The following ZNF365 variants were observed in gnomAD, a reference collection of about 807,000 sequenced individuals.
ZNF365 encodes zinc finger protein 365, also known as protein ZNF365.
A neutral mutation model predicts 35.0 loss-of-function variants in ZNF365; 22 were observed. The observed-to-expected ratio is 0.63, with a 90% CI of 0.45 to 0.90. The LOEUF is 0.90. ZNF365 is among the 40% of genes least tolerant of loss of function. ZNF365 has a pLI of 0.00. For missense variants in ZNF365, 448 were observed against 500.3 expected (o/e 0.90, Z 1.00); for synonymous variants, 188 against 196.2 (o/e 0.96, Z 0.35).
At chr10:62,379,264 T>C (rs1379269750) in intron 2 of ZNF365, among the ~76,000 whole-genome samples, 3 of 152,152 alleles carry the variant, frequency 2.0e-5, no homozygotes, top group Non-Finnish European at 2.9e-5. Flanking sequence ...CCTCAGATGA[T>C]CTACTGGTCT....
At chr10:62,456,030 C>A (rs956464735) in intron 3 of ZNF365, among the ~76,000 whole-genome samples, 1 of 152,204 alleles carries the variant, frequency 6.6e-6, no homozygotes, top group Non-Finnish European at 1.5e-5. Context: ...CGTTGTCCAA[C>A]TAAACTTGCT....
downstream of ZNF365, among the ~76,000 whole-genome samples, chr10:62,406,178 C>T (rs1839901948): frequency 6.6e-6 from 1 of 152,176 alleles, no homozygotes; most frequent in South Asian, 2.1e-4. Flanking sequence ...TCCTTTCCAG[C>T]CACTGCCTTC....
intron 3 of ZNF365, among the ~76,000 whole-genome samples, chr10:62,452,532 G>GCTA (rs1453269788): frequency 1.3e-5 from 2 of 152,288 alleles, no homozygotes; most frequent in African/African-American, 4.8e-5. Context: ...GGTCCTTGAA[G>GCTA]CTACATATTA....
At chr10:62,376,102 T>G (rs912805597) in intron 1 of ZNF365, 79 bp from the exon 2 acceptor site, 25 of 1,466,758 alleles carry the variant, frequency 1.7e-5, no homozygotes, top group Non-Finnish European at 2.2e-5. Flanking sequence ...AAGCCTCTGC[T>G]GTCATGGAGA....
chr10:62,471,391 T>C (rs1841036001), intron 4 of ZNF365, among the ~76,000 whole-genome samples: 1 of 150,814 alleles, frequency 6.6e-6, no homozygotes, highest in African/African-American at 2.5e-5. Flanking sequence ...AAAATAGGTA[T>C]TCTCTCTTTC....
In ZNF365 at chr10:62,401,963, T is replaced by C. The variant is rs1435427313; in HGVS notation, c.*2174T>C. On this transcript the variant is annotated 3_prime_UTR_variant, in exon 5 of 5. Transcript: ENST00000395254. ...TAAATTTTGACCCCATATAAAGAAA[T>C]GTGTTATGTATGTTGTGCCTCCTTA... 1.0e-6 allele frequency: 1 copy of C among 985,440 alleles called. No homozygotes were observed. Among genetic ancestry groups the C allele is most frequent in the Admixed American group, 6.2e-5 (1 of 16,258 alleles). 61.0% of individuals were successfully genotyped at this position (985,440 alleles called of 1,614,324 possible).
chr10:62,424,172 G>A (rs1840217010), intron 3 of ZNF365, among the ~76,000 whole-genome samples: 1 of 152,152 alleles, frequency 6.6e-6, no homozygotes. Flanking sequence ...AGAAGCCTGT[G>A]AGTGAGTATG....
Position 62,464,398 on chromosome 10 carries a change from C to A in ZNF365, c.981+4601C>A, listed in dbSNP as rs144030746. Among the ~76,000 whole-genome samples the A allele has an allele frequency of 2.6e-5, 4 of 152,300 alleles. No individual in the cohort carries two copies. The East Asian group carries it at 7.7e-4, about 29-fold the overall frequency. Reference sequence around the variant, plus strand: ...AAATCATTTTCTCTGTAATTTGTCTCCATTGTTGGAATTTAAGATCCAGAG... The same window carrying A: ...AAATCATTTTCTCTGTAATTTGTCTACATTGTTGGAATTTAAGATCCAGAG... On this transcript the variant is annotated intron_variant, in intron 4 of 4. Coordinates refer to the ZNF365 transcript ENST00000395255.
At chr10:62,470,622 T>G (rs1441976522) in intron 4 of ZNF365, among the ~76,000 whole-genome samples, 1 of 152,248 alleles carries the variant, frequency 6.6e-6, no homozygotes, top group African/African-American at 2.4e-5. Context: ...GAAAGGTTGT[T>G]AGCAGTTTAT....
intron 4 of ZNF365, among the ~76,000 whole-genome samples, chr10:62,478,040 GA>G (rs1366500635): frequency 4.6e-5 from 7 of 152,188 alleles, no homozygotes; most frequent in Non-Finnish European, 1.0e-4. Flanking sequence ...CTCCAAGAAA[GA>G]CAACCAGAAG....
At chr10:62,425,682 C>T (rs746211830) in intron 3 of ZNF365, among the ~76,000 whole-genome samples, 21 of 152,194 alleles carry the variant, frequency 1.4e-4, no homozygotes, top group Non-Finnish European at 3.1e-4. Flanking sequence ...AGGAGGCCTT[C>T]CCTGCTTCAC....
At chr10:62,392,600 T>C (rs1456425482) in intron 3 of ZNF365, among the ~76,000 whole-genome samples, 3 of 128,804 alleles carry the variant, frequency 2.3e-5, no homozygotes, top group Non-Finnish European at 5.0e-5. Context: ...TTGGTCTATG[T>C]GCCGTTTGTT....
At chr10:62,452,002 G>A (rs1840690728) in intron 3 of ZNF365, among the ~76,000 whole-genome samples, 1 of 152,288 alleles carries the variant, frequency 6.6e-6, no homozygotes, top group African/African-American at 2.4e-5. Flanking sequence ...CAGAGAGACA[G>A]GATAAGAACC....
intron 4 of ZNF365, among the ~76,000 whole-genome samples, chr10:62,460,113 G>A (rs1840823468): frequency 6.6e-6 from 1 of 152,078 alleles, no homozygotes; most frequent in Non-Finnish European, 1.5e-5. Context: ...CTCTTGAGAG[G>A]GGCCATATCA....
chr10:62,443,497 A>G (rs1840535544), intron 3 of ZNF365, among the ~76,000 whole-genome samples: 2 of 152,184 alleles, frequency 1.3e-5, no homozygotes, highest in African/African-American at 4.8e-5. Context: ...GAGCAGTTAC[A>G]TGGCTTATCA....
chr10:62,422,522 C>A (rs1840185816), intron 3 of ZNF365, among the ~76,000 whole-genome samples: 1 of 152,088 alleles, frequency 6.6e-6, no homozygotes, highest in South Asian at 2.1e-4. Flanking sequence ...GACCTAATGA[C>A]CAAGCAGACC....
At chr10:62,471,288 C>T (rs1361123569) in intron 4 of ZNF365, among the ~76,000 whole-genome samples, 2 of 151,392 alleles carry the variant, frequency 1.3e-5, no homozygotes, top group Admixed American at 6.6e-5. Context: ...ATGGTGTGAA[C>T]CCGGGAGGCG....
In ZNF365 at chr10:62,398,677, T is replaced by C. The variant is rs375722969; in HGVS notation, c.925-63T>C. 1.3e-4 allele frequency: 190 copies of C among 1,511,346 alleles called. 1 individual carries two copies. Among genetic ancestry groups the C allele is most frequent in the Middle Eastern group, 1.0e-3 (6 of 5,894 alleles). The allele number at this position is 1,511,346 out of a possible 1,614,324, so 93.6% of individuals were successfully genotyped here. ...CAGTTTTTAGAAAGTATAAGAAATA[T>C]TTTAAAAACCAAATCCAGTCCTCAA... On this transcript the variant is annotated intron_variant, in intron 3 of 4. Coordinates refer to ENST00000395254, the MANE Select transcript of ZNF365 (RefSeq NM_014951.3).
Position 62,419,470 on chromosome 10 carries a change from T to G in ZNF365, c.924+30894T>G, listed in dbSNP as rs78072701. Among the ~76,000 whole-genome samples the G allele has an allele frequency of 6.2e-3, 948 of 151,818 alleles. 7 individuals are homozygous for G. Among genetic ancestry groups the G allele is most frequent in the African/African-American group, 0.022 (899 of 41,390 alleles). ...CCTTGAATATAAGCTCCATTTGGCT[T>G]TTGTTACAAGCAGGTTTTTAAAGGA... is the stretch of plus-strand genomic sequence containing the variant. On this transcript the variant is annotated intron_variant, in intron 3 of 4. Coordinates refer to the ZNF365 transcript ENST00000395255.
Sources: gnomAD v4.1 joint callset for allele counts (sites outside exome capture counted in the v4.1 genomes callset) on GRCh38, gnomAD v4.1.1 for gene constraint, MANE v1.5 for transcripts, NCBI Gene and HGNC (gene_info 2026-07-23, HGNC 2026-07-21) for gene names.